Variants in DCC observed in about 807,000 individuals in gnomAD.
The protein encoded by DCC is netrin receptor DCC.
In DCC, 58 loss-of-function variants were observed where a neutral mutation model predicts 172.5. The ratio of observed to expected loss-of-function variants is 0.34; its 90% CI spans 0.27 to 0.42. The LOEUF is 0.42. DCC is among the 10% of genes least tolerant of loss of function. The pLI, the probability that DCC is intolerant of heterozygous loss-of-function variation, is 1.00. For synonymous variants in DCC, 709 were observed against 644.5 expected, an observed-to-expected ratio of 1.10 and a Z score of -1.52; for missense variants, 1,740 against 1,791.0, an observed-to-expected ratio of 0.97 and a Z score of 0.51.
At chr18:53,420,176 T>A (rs1306055257) in intron 21 of DCC, among the ~76,000 whole-genome samples, 1 of 152,168 alleles carries the variant, frequency 6.6e-6, no homozygotes, top group Non-Finnish European at 1.5e-5. Context: ...ATTTTAACCA[T>A]CAACTGCATG....
At chr18:52,925,560 T>C (rs2040188413) in intron 5 of DCC, among the ~76,000 whole-genome samples, 190 bp downstream of exon 5, 1 of 152,038 alleles carries the variant, frequency 6.6e-6, no homozygotes, top group African/African-American at 2.4e-5. Context: ...TGAATACTTA[T>C]TAATTAAAAT....
chr18:52,899,388 T>C (rs1346457759), intron 2 of DCC, among the ~76,000 whole-genome samples: 2 of 145,274 alleles, frequency 1.4e-5, no homozygotes, highest in African/African-American at 5.1e-5. Flanking sequence ...AGTTTCACTT[T>C]TGTTGCCCAG....
intron 9 of DCC, among the ~76,000 whole-genome samples, chr18:53,183,362 A>C (rs2055227584): frequency 6.6e-6 from 1 of 152,058 alleles, no homozygotes; most frequent in Non-Finnish European, 1.5e-5. Flanking sequence ...ACCCTTGCCC[A>C]TTCTCCCCTG....
chr18:53,367,843 G>A (rs1185836226), intron 15 of DCC, among the ~76,000 whole-genome samples: 1 of 152,142 alleles, frequency 6.6e-6, no homozygotes, highest in Admixed American at 6.5e-5. Flanking sequence ...GTTAAAGCAT[G>A]CAACAATGCC....
chr18:53,082,263 C>T lies in DCC; in HGVS notation c.1261+16097C>T, dbSNP rs534633647. Among the ~76,000 whole-genome samples, 7 of 152,162 alleles carry T rather than the reference C, an allele frequency of 4.6e-5. No individual in the cohort carries two copies. The South Asian group carries it at 1.5e-3, about 32-fold the overall frequency. ...AAATCCACATTTGGAAACCTATAAA[C>T]TCACCTTGCAAGCATAATAACAAAA... On this transcript the variant is annotated intron_variant, in intron 7 of 28. Coordinates refer to ENST00000442544, the MANE Select transcript of DCC (RefSeq NM_005215.4).
chr18:52,991,876 G>A (rs983637338), intron 5 of DCC, among the ~76,000 whole-genome samples: 4 of 152,124 alleles, frequency 2.6e-5, no homozygotes, highest in Non-Finnish European at 5.9e-5. Context: ...CAGTACAAAA[G>A]GGACAATATG....
rs2046520910 is a variant in DCC at position 53,531,078 on chromosome 18, C to T, written c.*425C>T. The T allele has an allele frequency of 8.6e-6, 2 of 233,070 alleles. No homozygotes were observed. Among genetic ancestry groups the T allele is most frequent in the African/African-American group, 2.2e-5 (1 of 45,290 alleles). 14.4% of individuals were successfully genotyped at this position (233,070 alleles called of 1,614,324 possible). On this transcript the variant is annotated 3_prime_UTR_variant, in exon 29 of 29. Coordinates refer to ENST00000442544, the MANE Select transcript of DCC (RefSeq NM_005215.4). ...CCATGCCATGGCAAACCAGTGCAAG[C>T]TCACTATTTTGTTTTCAACTTAAAC...
chr18:52,545,189 C>T (rs1205003436), intron 1 of DCC, among the ~76,000 whole-genome samples: 3 of 152,106 alleles, frequency 2.0e-5, no homozygotes, highest in African/African-American at 7.2e-5. Context: ...TTTAGTTTAT[C>T]AGGATATGTG....
chr18:53,455,797 G>A (rs1305782615), intron 23 of DCC, among the ~76,000 whole-genome samples: 1 of 152,142 alleles, frequency 6.6e-6, no homozygotes, highest in East Asian at 1.9e-4. Flanking sequence ...ATGCCGCAGT[G>A]CATGCTCCTC....
intron 2 of DCC, among the ~76,000 whole-genome samples, chr18:52,849,291 T>C (rs2038940530): frequency 6.6e-6 from 1 of 152,166 alleles, no homozygotes; most frequent in South Asian, 2.1e-4. Context: ...CCTACCTCAG[T>C]TAATTATGTG....
At chr18:52,846,122 TTCCTC>T (rs1189693412) in intron 2 of DCC, among the ~76,000 whole-genome samples, 1 of 152,182 alleles carries the variant, frequency 6.6e-6, no homozygotes, top group Non-Finnish European at 1.5e-5. Context: ...AGTTAATACA[TTCCTC>T]TACACTATGA....
intron 27 of DCC, among the ~76,000 whole-genome samples, chr18:53,513,675 A>G (rs1183529250): frequency 2.0e-5 from 3 of 152,020 alleles, no homozygotes; most frequent in Admixed American, 6.6e-5. Context: ...TAGTTCTGAT[A>G]AAACAGACTT....
chr18:53,422,669 C>G (rs951406452), intron 21 of DCC, among the ~76,000 whole-genome samples: 4 of 152,134 alleles, frequency 2.6e-5, no homozygotes, highest in African/African-American at 9.7e-5. Flanking sequence ...TTAATTGTTT[C>G]AAATTTCAGG....
intron 15 of DCC, among the ~76,000 whole-genome samples, chr18:53,345,072 C>T (rs1432491209): frequency 6.6e-6 from 1 of 151,676 alleles, no homozygotes; most frequent in African/African-American, 2.4e-5. Flanking sequence ...CACAAATAAA[C>T]ATAGCTGTGT....
chr18:53,267,147 TATAGAG>T (rs1307191209), intron 12 of DCC, among the ~76,000 whole-genome samples: 25 of 150,210 alleles, frequency 1.7e-4, no homozygotes, highest in African/African-American at 5.9e-4. Flanking sequence ...TATATATATA[TATAGAG>T]AGAGAGAGAG....
intron 2 of DCC, among the ~76,000 whole-genome samples, chr18:52,877,366 G>C (rs1413957619): frequency 6.6e-6 from 1 of 151,890 alleles, no homozygotes; most frequent in Non-Finnish European, 1.5e-5. Flanking sequence ...AGAGGGAGGA[G>C]GGTGTGTGTG....
chr18:52,969,582 C>CA (rs60961374), intron 5 of DCC, among the ~76,000 whole-genome samples: 12,588 of 79,864 alleles, frequency 0.16, 943 homozygotes, highest in Middle Eastern at 0.26. Flanking sequence ...GCCCCGCCCC[C>CA]CACTCTCTCT....
chr18:52,908,867 T>G (rs2039927903), intron 3 of DCC, among the ~76,000 whole-genome samples: 1 of 152,136 alleles, frequency 6.6e-6, no homozygotes. Flanking sequence ...AATATAAACT[T>G]TAGAAAAAAT....
chr18:53,340,554 A>C (rs1379618220), intron 15 of DCC, among the ~76,000 whole-genome samples: 1 of 152,150 alleles, frequency 6.6e-6, no homozygotes, highest in Non-Finnish European at 1.5e-5. Flanking sequence ...TTTACTGAAT[A>C]CAATACTTCA....
Sources: gnomAD v4.1 joint callset for allele counts (sites outside exome capture counted in the v4.1 genomes callset) on GRCh38, gnomAD v4.1.1 for gene constraint, MANE v1.5 for transcripts, NCBI Gene and HGNC (gene_info 2026-07-23, HGNC 2026-07-21) for gene names.